GATM: variants seen among roughly 807,000 people sequenced by gnomAD.
GATM encodes the protein glycine amidinotransferase, mitochondrial.
A neutral mutation model predicts 54.2 loss-of-function variants in GATM; 23 were observed. The ratio of observed to expected loss-of-function variants is 0.42; its 90% CI spans 0.31 to 0.60. The LOEUF is 0.60. Ranked by LOEUF, GATM falls within the 20% of genes least tolerant of loss-of-function variation. The probability of loss-of-function intolerance (pLI) is 0.14; values close to 1 mark genes in which losing one functional copy is unlikely to be tolerated. For synonymous variants in GATM, 168 were observed against 183.1 expected, an observed-to-expected ratio of 0.92 and a Z score of 0.67; for missense variants, 401 against 544.9, an observed-to-expected ratio of 0.74 and a Z score of 2.63.
exon 1 of GATM, chr15:45,402,065 G>T: frequency 4.2e-6 from 1 of 235,406 alleles, no homozygotes; most frequent in South Asian, 7.5e-5. Context: ...CAGTTCGAAG[G>T]CCAGGAAAAC....
At chr15:45,372,944 T>G (rs1178898095) in intron 2 of GATM, among the ~76,000 whole-genome samples, 1 of 152,248 alleles carries the variant, frequency 6.6e-6, no homozygotes, top group Non-Finnish European at 1.5e-5. Flanking sequence ...TATTAGACGC[T>G]TAGCATATGA....
At chr15:45,401,417 G>T (rs1213635757) in intron 1 of GATM, among the ~76,000 whole-genome samples, 1 of 152,210 alleles carries the variant, frequency 6.6e-6, no homozygotes, top group Non-Finnish European at 1.5e-5. Flanking sequence ...GAAAATAGAG[G>T]TAGGAAGATG....
intron 3 of GATM, among the ~76,000 whole-genome samples, chr15:45,393,086 T>C (rs1460976588): frequency 6.6e-6 from 1 of 152,258 alleles, no homozygotes; most frequent in East Asian, 1.9e-4. Context: ...TATTGTGGTA[T>C]TCCCAGCATA....
intron 1 of GATM, 199 bp downstream of exon 1, chr15:45,378,186 G>A (rs181095852): frequency 4.2e-6 from 2 of 474,210 alleles, no homozygotes; most frequent in Admixed American, 8.6e-5. Context: ...ACTGGGGGAC[G>A]CCGCCCAGCT....
At chr15:45,388,869 G>A (rs760952425) in intron 3 of GATM, among the ~76,000 whole-genome samples, 3 of 152,044 alleles carry the variant, frequency 2.0e-5, no homozygotes, top group Non-Finnish European at 2.9e-5. Context: ...TTGAGTCTCC[G>A]AGACCAACTC....
At chr15:45,375,357 C>A (rs1889614906) in intron 2 of GATM, among the ~76,000 whole-genome samples, 1 of 152,182 alleles carries the variant, frequency 6.6e-6, no homozygotes, top group African/African-American at 2.4e-5. Flanking sequence ...GTGTGAGCCA[C>A]CGCGCCTGGC....
At chr15:45,383,331 C>A (rs1031315367), upstream of GATM, among the ~76,000 whole-genome samples, 1 of 152,226 alleles carries the variant, frequency 6.6e-6, no homozygotes, top group Non-Finnish European at 1.5e-5. Flanking sequence ...TGGAAGACAA[C>A]TGCAAAACAC....
chr15:45,378,288 G>A (rs1889676044), intron 1 of GATM, 97 bp downstream of exon 1: 2 of 911,870 alleles, frequency 2.2e-6, no homozygotes, highest in Non-Finnish European at 3.3e-6. Flanking sequence ...AGCGAGGGAA[G>A]GTGGCGGCTC....
At chr15:45,389,478 C>G (rs2140675111) in intron 3 of GATM, among the ~76,000 whole-genome samples, 1 of 152,336 alleles carries the variant, frequency 6.6e-6, no homozygotes, top group Admixed American at 6.5e-5. Context: ...AAGTCTTGCT[C>G]TGTTGCCCAG....
At position 45,377,223 on chromosome 15, in the gene GATM, C is replaced by A. The variant is rs753582154; in HGVS notation, c.70-404G>T. Reference sequence around the variant, plus strand: ...ACTTCCCGCCAGTCTCAGCTGGGGACGGAACCTCCTTTTCCCTTAAGTATC... The same window carrying A: ...ACTTCCCGCCAGTCTCAGCTGGGGAAGGAACCTCCTTTTCCCTTAAGTATC... On this transcript the variant is annotated intron_variant, in intron 1 of 8. Transcript: ENST00000396659. The A allele has an allele frequency of 4.7e-5, 23 of 490,572 alleles. No homozygotes were observed. The East Asian group carries it at 8.1e-4, about 17-fold the overall frequency. 30.4% of individuals were successfully genotyped at this position (490,572 alleles called of 1,614,324 possible).
chr15:45,382,284 A>T (rs1276721853), upstream of GATM, among the ~76,000 whole-genome samples: 1 of 152,170 alleles, frequency 6.6e-6, no homozygotes, highest in Non-Finnish European at 1.5e-5. Flanking sequence ...CATCCCTGGG[A>T]ACCTTGGCAT....
At chr15:45,377,342 C>G (rs529542912) in intron 1 of GATM, 7 of 425,274 alleles carry the variant, frequency 1.6e-5, no homozygotes, top group African/African-American at 1.5e-4. Context: ...GAATAACCAG[C>G]TTCAAATCAA....
chr15:45,366,334 A>G (rs1306341453), intron 5 of GATM, 37 bp downstream of exon 5: 2 of 1,613,050 alleles, frequency 1.2e-6, no homozygotes, highest in African/African-American at 2.7e-5. Context: ...AGAATACAAT[A>G]ATATAGTGTG....
At position 45,366,139 on chromosome 15, in the gene GATM, G is replaced by T. The variant is rs3210029; in HGVS notation, c.885C>A (p.Ser295=). ...TATGCATGGGATTGGGATCTTTAAAGGAGATGATATGCACTCTGTAGTCTG... is the reference window on the plus strand; with the variant it reads ...TATGCATGGGATTGGGATCTTTAAATGAGATGATATGCACTCTGTAGTCTG... The part of the protein sequence containing the change: ...LAPDYRVHII[S]FKDPNPMHID... Residue 295 remains serine (S), a synonymous_variant, in exon 6 of 9, where the codon TCC becomes TCA. Transcript: ENST00000396659. The T allele has an allele frequency of 1.2e-5, 20 of 1,614,020 alleles. No homozygotes were observed. Among genetic ancestry groups the T allele is most frequent in the Middle Eastern group, 3.3e-4 (2 of 6,062 alleles).
At chr15:45,386,175 G>A (rs1008065524) in intron 3 of GATM, among the ~76,000 whole-genome samples, 6 of 152,122 alleles carry the variant, frequency 3.9e-5, no homozygotes, top group South Asian at 2.1e-4. Flanking sequence ...AAAAATAACC[G>A]AATATGAAAT....
Position 45,361,249 on chromosome 15 carries a change from T to C in GATM, c.*860A>G, listed in dbSNP as rs1161000385. 6.6e-6 allele frequency: 1 copy of C among 152,198 alleles called. No individual in the cohort carries two copies. The highest frequency in any genetic ancestry group is 1.5e-5 in the Non-Finnish European group (1 of 68,032). 9.4% of individuals were successfully genotyped at this position (152,198 alleles called of 1,614,324 possible). A position where few individuals can be genotyped will look rare whatever the true frequency, so the allele number is the denominator to read the frequency against. On this transcript the variant is annotated 3_prime_UTR_variant, in exon 9 of 9. Transcript: ENST00000396659. ...TTTTTAATGCTTATAAAGTCTATGC[T>C]CTAAATAATTTGCACATTTGTAAAC...
chr15:45,377,116 A>T (rs1889652210), intron 1 of GATM: 1 of 477,272 alleles, frequency 2.1e-6, no homozygotes, highest in Non-Finnish European at 4.0e-6. Context: ...CTCAGAATGC[A>T]ATTCCTGCAC....
At chr15:45,374,056 A>C (rs1308730848) in intron 2 of GATM, among the ~76,000 whole-genome samples, 1 of 152,244 alleles carries the variant, frequency 6.6e-6, no homozygotes, top group Non-Finnish European at 1.5e-5. Flanking sequence ...CTTAACATGT[A>C]ACCTTTTATC....
At chr15:45,376,576 A>G in intron 2 of GATM, 25 bp downstream of exon 2, 1 of 1,607,188 alleles carries the variant, frequency 6.2e-7, no homozygotes, top group Admixed American at 1.7e-5. Context: ...GCGCACTTTC[A>G]GACATGTGAA....
Sources: gnomAD v4.1 joint callset for allele counts (sites outside exome capture counted in the v4.1 genomes callset) on GRCh38, gnomAD v4.1.1 for gene constraint, MANE v1.5 for transcripts, NCBI Gene and HGNC (gene_info 2026-07-23, HGNC 2026-07-21) for gene names.